Variants in TUB observed in about 807,000 individuals in gnomAD.
TUB encodes tubby protein homolog.
TUB carries 33 observed loss-of-function variants against 59.7 expected under a neutral mutation model. That is an observed-to-expected ratio of 0.55 (90% CI 0.42 to 0.74). TUB has a LOEUF of 0.74. Ranked by LOEUF, TUB falls within the 30% of genes least tolerant of loss-of-function variation. The probability of loss-of-function intolerance (pLI) is 0.00; values close to 1 mark genes in which losing one functional copy is unlikely to be tolerated. For missense variants in TUB, 659 were observed against 672.0 expected (o/e 0.98, Z 0.21); for synonymous variants, 293 against 256.4 (o/e 1.14, Z -1.36).
intron 1 of TUB, among the ~76,000 whole-genome samples, chr11:8,087,499 G>A (rs956141921): frequency 3.9e-5 from 6 of 152,362 alleles, no homozygotes; most frequent in African/African-American, 1.4e-4. Flanking sequence ...ATGACAGTGG[G>A]GTTTATAGCT....
At chr11:8,019,491 C>T (rs1942386399) in intron 1 of TUB, 3 of 864,972 alleles carry the variant, frequency 3.5e-6, no homozygotes, top group Admixed American at 8.8e-5. Context: ...CCCGGACCCT[C>T]GGGCATCCGG....
rs777495001 is a variant in TUB, at chr11:8,095,573, A to G, written c.473A>G (p.Gln158Arg). 6.2e-7 allele frequency: 1 copy of G among 1,613,300 alleles called. No homozygotes were observed. The highest frequency in any genetic ancestry group is 1.7e-5 in the Admixed American group (1 of 60,028). ...CCAGTGCAGATTCTGACTGTGGGCCAGTCAGACCACGCCCAGGACGCAGGG... is the reference window on the plus strand; with the variant it reads ...CCAGTGCAGATTCTGACTGTGGGCCGGTCAGACCACGCCCAGGACGCAGGG... ...QGPVQILTVGQSDHAQDAGET... is the reference protein window; with the variant it reads ...QGPVQILTVGRSDHAQDAGET... Residue 158 changes from glutamine (Q) to arginine (R), a missense_variant, in exon 5 of 12, where the codon CAG becomes CGG. Gln to Arg is a conservative substitution (Grantham distance 43). This residue lies in a region of TUB where 321 missense variants were observed against 304.3 expected (regional missense o/e 1.05). Transcript: ENST00000299506.
chr11:8,054,967 G>C (rs1025137200), intron 2 of TUB, among the ~76,000 whole-genome samples: 6 of 152,174 alleles, frequency 3.9e-5, no homozygotes, highest in African/African-American at 1.4e-4. Flanking sequence ...TGTGGAGGCT[G>C]GCCCGTCCTA....
chr11:8,062,093 A>T (rs1943139722), intron 2 of TUB: 1 of 152,600 alleles, frequency 6.6e-6, no homozygotes, highest in South Asian at 2.1e-4. Flanking sequence ...TCAAGCGCCA[A>T]TGTGAAGCTG....
intron 3 of TUB, 143 bp downstream of exon 3, chr11:8,090,374 G>C: frequency 8.4e-7 from 1 of 1,194,590 alleles, no homozygotes; most frequent in Non-Finnish European, 1.2e-6. Context: ...AGCTGAGTAG[G>C]GAGGGCAGAG....
intron 2 of TUB, among the ~76,000 whole-genome samples, chr11:8,064,845 A>G (rs1021870944): frequency 1.3e-5 from 2 of 152,236 alleles, no homozygotes; most frequent in Non-Finnish European, 2.9e-5. Context: ...AGGAACTAGC[A>G]TAGGATTTGA....
rs1943560225 is a variant in TUB at position 8,081,451 on chromosome 11, C to T, written c.-60C>T. ...GCCCGGGAGCTGAGCAGGGCCCCCG[C>T]GCCGGCCCCTCCGGGCCCCGGCCTC... On this transcript the variant is annotated 5_prime_UTR_variant, in exon 1 of 12. Transcript: ENST00000299506. The T allele has an allele frequency of 7.3e-7, 1 of 1,376,924 alleles. No homozygotes were observed. The highest frequency in any genetic ancestry group is 1.5e-5 in the South Asian group (1 of 66,038). The allele number at this position is 1,376,924 out of a possible 1,614,324, so 85.3% of individuals were successfully genotyped here.
chr11:8,043,640 T>C (rs1428681173), intron 2 of TUB, among the ~76,000 whole-genome samples: 1 of 152,224 alleles, frequency 6.6e-6, no homozygotes, highest in Non-Finnish European at 1.5e-5. Context: ...ATATTGCACT[T>C]ATTTTTAGCA....
intron 1 of TUB, chr11:8,039,526 C>G: frequency 1.2e-6 from 1 of 800,954 alleles, no homozygotes; most frequent in Non-Finnish European, 1.8e-6. Context: ...CCTACTGAGG[C>G]AGCTGAGACC....
chr11:8,088,774 C>T (rs981434073), intron 1 of TUB, among the ~76,000 whole-genome samples: 1 of 152,228 alleles, frequency 6.6e-6, no homozygotes, highest in Non-Finnish European at 1.5e-5. Context: ...TACCAGTTCC[C>T]TACTTGTGCC....
intron 1 of TUB, chr11:8,039,407 A>G: frequency 2.2e-6 from 1 of 460,812 alleles, no homozygotes; most frequent in Non-Finnish European, 3.8e-6. Flanking sequence ...CCCATGGCTC[A>G]GGTCATCACT....
At chr11:8,029,287 C>T (rs1942538256) in intron 1 of TUB, among the ~76,000 whole-genome samples, 1 of 152,154 alleles carries the variant, frequency 6.6e-6, no homozygotes, top group East Asian at 1.9e-4. Flanking sequence ...AGTAGCCTTT[C>T]GTACTAAGCT....
At chr11:8,041,064 C>T (rs1056021201) in intron 2 of TUB, among the ~76,000 whole-genome samples, 5 of 152,196 alleles carry the variant, frequency 3.3e-5, no homozygotes, top group African/African-American at 1.2e-4. Flanking sequence ...AGGGGCTTCT[C>T]AGGAGTGAGT....
intron 2 of TUB, among the ~76,000 whole-genome samples, chr11:8,059,180 C>T (rs955691352): frequency 5.9e-5 from 9 of 152,050 alleles, no homozygotes; most frequent in South Asian, 2.1e-4. Context: ...TCCTCCTGGC[C>T]GGGGGCACTG....
At chr11:8,086,529 C>CG (rs1370255586) in intron 1 of TUB, among the ~76,000 whole-genome samples, 2 of 152,128 alleles carry the variant, frequency 1.3e-5, no homozygotes, top group East Asian at 1.9e-4. Context: ...AGAGTTGTTG[C>CG]GCACTTGTCG....
intron 9 of TUB, among the ~76,000 whole-genome samples, chr11:8,100,071 G>A (rs1445549264): frequency 6.6e-6 from 1 of 152,150 alleles, no homozygotes; most frequent in Non-Finnish European, 1.5e-5. Flanking sequence ...TGGGAAGGAG[G>A]AATAGGAGGG....
At chr11:8,041,891 C>T (rs780833675) in intron 2 of TUB, among the ~76,000 whole-genome samples, 20 of 152,178 alleles carry the variant, frequency 1.3e-4, no homozygotes, top group Non-Finnish European at 2.5e-4. Context: ...CCGCAGCCTC[C>T]AGCGAGCCCC....
intron 2 of TUB, among the ~76,000 whole-genome samples, chr11:8,065,634 G>C (rs1193613665): frequency 7.2e-5 from 11 of 152,172 alleles, no homozygotes; most frequent in Non-Finnish European, 7.3e-5. Flanking sequence ...GAGTGTATCT[G>C]TGGGCCCAAA....
At position 8,081,579 on chromosome 11, in the gene TUB, A is replaced by G. The variant is rs777410292; in HGVS notation, c.38+31A>G. 7 of 1,501,876 alleles carry G rather than the reference A, an allele frequency of 4.7e-6. 1 individual carries two copies. In the South Asian group the frequency reaches 8.9e-5, roughly 19 times the overall value. The allele number at this position is 1,501,876 out of a possible 1,614,324, so 93.0% of individuals were successfully genotyped here. A position where few individuals can be genotyped will look rare whatever the true frequency, so the allele number is the denominator to read the frequency against. ...CGGGCGCCGGGCCGGGGCGCCCACC[A>G]CTCCCGACTCGGGACGTGAGCTGGC... is the stretch of plus-strand genomic sequence containing the variant. On this transcript the variant is annotated intron_variant, in intron 1 of 11. Transcript: ENST00000299506.
Sources: allele counts gnomAD v4.1 joint callset (sites outside exome capture counted in the v4.1 genomes callset), GRCh38; gene constraint gnomAD v4.1.1; regional missense constraint gnomAD v4.1.1; transcripts MANE v1.5; gene names NCBI Gene and HGNC (gene_info 2026-07-23, HGNC 2026-07-21).